Variants in NFIA observed in about 807,000 individuals in gnomAD.
The protein encoded by NFIA is nuclear factor 1 A-type.
NFIA carries 8 observed loss-of-function variants against 62.8 expected under a neutral mutation model. The ratio of observed to expected loss-of-function variants is 0.13; its 90% CI spans 0.07 to 0.23. The LOEUF (loss-of-function observed/expected upper bound fraction) is 0.23. Ranked by LOEUF, NFIA falls within the 10% of genes least tolerant of loss-of-function variation. The probability of loss-of-function intolerance (pLI) is 1.00; values close to 1 mark genes in which losing one functional copy is unlikely to be tolerated. For synonymous variants in NFIA, 235 were observed against 238.1 expected (o/e 0.99, Z 0.12); for missense variants, 410 against 642.1 (o/e 0.64, Z 3.91).
chr1:61,258,181 T>G (rs1426779445), intron 2 of NFIA, among the ~76,000 whole-genome samples: 1 of 152,210 alleles, frequency 6.6e-6, no homozygotes, highest in Non-Finnish European at 1.5e-5. Context: ...TTTCATAACT[T>G]TTGGCTAATT....
rs144262111 is a variant in NFIA at position 61,150,667 on chromosome 1, G to A, written c.559+61987G>A. ...TGGGGAGTGGATTTCTCAGCTTCCT[G>A]GGAACAGCAACAAAATTCCCCCAAC... On this transcript the variant is annotated intron_variant, in intron 2 of 10. Coordinates refer to ENST00000403491, the MANE Select transcript of NFIA (RefSeq NM_001134673.4). 8.8e-3 allele frequency among the ~76,000 whole-genome samples: 1,336 copies of A among 152,232 alleles called. 15 individuals are homozygous for A. The highest frequency in any genetic ancestry group is 0.058 in the Middle Eastern group (17 of 294).
At chr1:61,371,538 G>A (rs991611008) in intron 6 of NFIA, among the ~76,000 whole-genome samples, 3 of 152,088 alleles carry the variant, frequency 2.0e-5, no homozygotes, top group Admixed American at 2.0e-4. Flanking sequence ...CAGTACATTC[G>A]AAGACTTTTG....
chr1:61,224,564 C>T (rs1654212552), intron 2 of NFIA, among the ~76,000 whole-genome samples: 1 of 152,098 alleles, frequency 6.6e-6, no homozygotes, highest in Non-Finnish European at 1.5e-5. Flanking sequence ...CTGATTCAGT[C>T]CTGTTGGTGT....
intron 6 of NFIA, among the ~76,000 whole-genome samples, chr1:61,365,153 C>T (rs1406204237): frequency 2.6e-5 from 4 of 152,212 alleles, no homozygotes; most frequent in Non-Finnish European, 5.9e-5. Flanking sequence ...TGCCATTGCA[C>T]TCCAGCCTGA....
At chr1:61,420,783 G>T (rs1167020927) in intron 9 of NFIA, among the ~76,000 whole-genome samples, 1 of 152,172 alleles carries the variant, frequency 6.6e-6, no homozygotes, top group Admixed American at 6.5e-5. Context: ...GTTTAGAGTG[G>T]AAGAATGTCT....
intron 7 of NFIA, among the ~76,000 whole-genome samples, chr1:61,393,100 G>A (rs1665066573): frequency 1.3e-5 from 2 of 151,566 alleles, no homozygotes; most frequent in Admixed American, 1.3e-4. Flanking sequence ...GATAAGCCCC[G>A]TTCTTTCTGG....
intron 3 of NFIA, among the ~76,000 whole-genome samples, chr1:61,318,717 T>A (rs1057494768): frequency 6.6e-6 from 1 of 152,178 alleles, no homozygotes; most frequent in Admixed American, 6.5e-5. Context: ...CTAGAGTTGC[T>A]ATAGAAGGAT....
At chr1:61,334,593 A>C (rs190789067) in intron 4 of NFIA, among the ~76,000 whole-genome samples, 5 of 87,950 alleles carry the variant, frequency 5.7e-5, no homozygotes, top group African/African-American at 1.5e-4. Flanking sequence ...ATATATATAT[A>C]TATATATATA....
chr1:61,086,337 G>A (rs1038628253), intron 1 of NFIA, among the ~76,000 whole-genome samples: 8 of 152,118 alleles, frequency 5.3e-5, no homozygotes, highest in Admixed American at 3.3e-4. Flanking sequence ...GTGGTTTGGC[G>A]TATACCTTTG....
intron 2 of NFIA, among the ~76,000 whole-genome samples, chr1:61,195,301 C>G (rs1404806855): frequency 6.6e-6 from 1 of 151,994 alleles, no homozygotes; most frequent in African/African-American, 2.4e-5. Flanking sequence ...AATGTGTTCC[C>G]CTATTAATTA....
chr1:61,425,093 G>A (rs1354586443), intron 9 of NFIA, among the ~76,000 whole-genome samples: 1 of 152,174 alleles, frequency 6.6e-6, no homozygotes, highest in African/African-American at 2.4e-5. Context: ...AGACATCAGG[G>A]ACCCTCATGC....
chr1:61,379,494 G>A lies in NFIA; in HGVS notation c.947-3743G>A, dbSNP rs558208735. On this transcript the variant is annotated intron_variant, in intron 6 of 10. Transcript: ENST00000403491. ...ATGATCTGGGCTGACTGCAACCTCC[G>A]CCTCCCAGGTTCAAGCAATCCTCCT... Among the ~76,000 whole-genome samples the A allele has an allele frequency of 1.5e-4, 21 of 136,640 alleles. 1 individual carries two copies. The South Asian group carries it at 2.5e-3, about 16-fold the overall frequency. The allele number at this position is 136,640 out of a possible 152,430, so 89.6% of individuals were successfully genotyped here.
intron 9 of NFIA, among the ~76,000 whole-genome samples, chr1:61,413,968 TG>T (rs1168572644): frequency 4.3e-5 from 2 of 46,886 alleles, no homozygotes; most frequent in Middle Eastern, 0.01. Context: ...CTTCACAAAT[TG>T]TTTTTTTGTT....
At chr1:61,358,379 C>CTTTT (rs34853369) in intron 5 of NFIA, among the ~76,000 whole-genome samples, 679 of 52,594 alleles carry the variant, frequency 0.013, 5 homozygotes, top group Non-Finnish European at 0.015. Flanking sequence ...TTCTTTCTTT[C>CTTTT]TTTTTTTTTT....
chr1:61,295,013 A>G (rs1570531454), intron 3 of NFIA, among the ~76,000 whole-genome samples: 1 of 152,234 alleles, frequency 6.6e-6, no homozygotes, highest in African/African-American at 2.4e-5. Context: ...AGACACAGCA[A>G]GATGGTTTCG....
chr1:61,099,324 T>G (rs1359539137), intron 2 of NFIA, among the ~76,000 whole-genome samples: 1 of 152,106 alleles, frequency 6.6e-6, no homozygotes, highest in Non-Finnish European at 1.5e-5. Context: ...ACAGACAGAT[T>G]GGAGAGGAAC....
rs1218186461 is a variant in NFIA, at chr1:61,458,016, TAAAAC to T, written c.*2698_*2702del. 2 of 151,948 alleles carry T rather than the reference TAAAAC, an allele frequency of 1.3e-5. No individual in the cohort carries two copies. Among genetic ancestry groups the T allele is most frequent in the African/African-American group, 4.8e-5 (2 of 41,386 alleles). 9.4% of individuals were successfully genotyped at this position (151,948 alleles called of 1,614,324 possible). On this transcript the variant is annotated 3_prime_UTR_variant, in exon 11 of 11. Coordinates refer to ENST00000403491, the MANE Select transcript of NFIA (RefSeq NM_001134673.4). ...TCTATTTAAGGAAAAAAAAATAAAA[TAAAAC>T]ATTTTGGATTTTCATATGTGTCTGA...
chr1:61,373,434 A>G (rs1369251597), intron 6 of NFIA, among the ~76,000 whole-genome samples: 1 of 152,032 alleles, frequency 6.6e-6, no homozygotes, highest in Non-Finnish European at 1.5e-5. Flanking sequence ...TCAAATTTTT[A>G]CTTTAGCTGG....
intron 9 of NFIA, among the ~76,000 whole-genome samples, chr1:61,420,758 G>T (rs1329822544): frequency 6.6e-6 from 1 of 152,172 alleles, no homozygotes; most frequent in Non-Finnish European, 1.5e-5. Context: ...TGATATTTGA[G>T]ATGAGAAGGG....
Sources: allele counts gnomAD v4.1 joint callset (sites outside exome capture counted in the v4.1 genomes callset), GRCh38; gene constraint gnomAD v4.1.1; transcripts MANE v1.5; gene names NCBI Gene and HGNC (gene_info 2026-07-23, HGNC 2026-07-21).